GYS2: variants seen among roughly 807,000 people sequenced by gnomAD.
The protein encoded by GYS2 is glycogen [starch] synthase, liver.
GYS2 carries 80 observed loss-of-function variants against 85.6 expected under a neutral mutation model. The ratio of observed to expected loss-of-function variants is 0.93; its 90% CI spans 0.78 to 1.13. GYS2 has a LOEUF of 1.13. Among genes scored for constraint, GYS2 ranks in the 50% most tolerant of loss-of-function variants. The pLI is 0.00. For missense variants in GYS2, 881 were observed against 854.9 expected (o/e 1.03, Z -0.38); for synonymous variants, 328 against 300.7 (o/e 1.09, Z -0.94).
chr12:21,540,514 TAGTC>T lies in GYS2; in HGVS notation c.1701_1704del (p.Thr568SerfsTer33), dbSNP rs759886963. ...TGTTTGCAAAATCCATAGAGAAACT[TAGTC>T]AGCTGATTGCAAGAATCATCTGGAG... On this transcript the variant is annotated frameshift_variant, in exon 14 of 16. Coordinates refer to ENST00000261195, the MANE Select transcript of GYS2 (RefSeq NM_021957.4). LOFTEE classifies it high-confidence loss of function. 1.4e-5 allele frequency: 22 copies of T among 1,613,818 alleles called. No individual in the cohort carries two copies. The highest frequency in any genetic ancestry group is 1.6e-4 in the Middle Eastern group (1 of 6,084).
chr12:21,564,046 T>G (rs1448403110), intron 5 of GYS2, among the ~76,000 whole-genome samples: 1 of 152,192 alleles, frequency 6.6e-6, no homozygotes, highest in Non-Finnish European at 1.5e-5. Flanking sequence ...ATTCTTGGTT[T>G]TCAAAACATT....
chr12:21,602,387 T>C (rs1388581179), intron 1 of GYS2, among the ~76,000 whole-genome samples: 8 of 152,066 alleles, frequency 5.3e-5, no homozygotes, highest in Admixed American at 5.2e-4. Flanking sequence ...GTGGGATTCA[T>C]GATCTCTAAG....
chr12:21,558,295 C>G lies in GYS2; in HGVS notation c.1327G>C (p.Val443Leu). Residue 443 changes from valine to leucine, a missense_variant, in exon 11 of 16, where the codon GTG (valine) becomes CTG (leucine). By Grantham distance (32) the Val-to-Leu change is conservative (BLOSUM62 1). Transcript: ENST00000261195. ...TCATCAATCATGTTGTGCGTGGTCA[C>G]TGGGGGCAATGACTGTCGCTGAAGT... Reference protein sequence around the residue: ...FSTQRQSLPPVTTHNMIDDST... With the variant: ...FSTQRQSLPPLTTHNMIDDST... 6.2e-7 allele frequency: 1 copy of G among 1,611,796 alleles called. No homozygotes were observed. The highest frequency in any genetic ancestry group is 8.5e-7 in the Non-Finnish European group (1 of 1,177,962).
intron 11 of GYS2, among the ~76,000 whole-genome samples, chr12:21,551,956 G>C (rs528432116): frequency 6.6e-6 from 1 of 152,076 alleles, no homozygotes; most frequent in Admixed American, 6.5e-5. Flanking sequence ...AAACACCATG[G>C]TTCATTTGTT....
intron 12 of GYS2, among the ~76,000 whole-genome samples, chr12:21,544,912 G>A (rs1944020526): frequency 6.7e-6 from 1 of 149,648 alleles, no homozygotes. Context: ...TGTTCCTGCT[G>A]TAAATAATAC....
intron 5 of GYS2, 112 bp downstream of exon 5, chr12:21,568,753 G>A: frequency 1.1e-6 from 1 of 878,304 alleles, no homozygotes; most frequent in Non-Finnish European, 2.0e-6. Flanking sequence ...AGAGCTGCGT[G>A]GTAACTGAAT....
intron 10 of GYS2, 104 bp from the exon 11 acceptor site, chr12:21,558,417 A>T: frequency 1.4e-6 from 1 of 737,096 alleles, no homozygotes; most frequent in South Asian, 1.5e-5. Context: ...TCACACCTTC[A>T]GTCTTTTGAG....
intron 1 of GYS2, among the ~76,000 whole-genome samples, chr12:21,588,525 T>A (rs111386190): frequency 2.0e-5 from 3 of 152,210 alleles, no homozygotes; most frequent in Non-Finnish European, 4.4e-5. Flanking sequence ...AATTTTCATA[T>A]GAGTCTACAC....
At chr12:21,584,041 C>A (rs948344677) in intron 1 of GYS2, among the ~76,000 whole-genome samples, 1 of 152,192 alleles carries the variant, frequency 6.6e-6, no homozygotes, top group African/African-American at 2.4e-5. Context: ...ACAGATAGTT[C>A]TGCACGATAT....
chr12:21,541,284 A>AAAAAAAAC (rs1303482381), intron 13 of GYS2, among the ~76,000 whole-genome samples: 11 of 145,354 alleles, frequency 7.6e-5, no homozygotes, highest in African/African-American at 2.3e-4. Context: ...AAAAAAAAAA[A>AAAAAAAAC]AAAAAAACAA....
intron 14 of GYS2, 62 bp downstream of exon 14, chr12:21,540,348 A>G (rs1417673345): frequency 3.2e-6 from 4 of 1,264,396 alleles, no homozygotes; most frequent in Admixed American, 1.7e-5. Flanking sequence ...ACTAGAATCA[A>G]TATGTTTATA....
intron 1 of GYS2, among the ~76,000 whole-genome samples, chr12:21,592,631 A>G (rs1336082426): frequency 6.6e-6 from 1 of 152,120 alleles, no homozygotes; most frequent in East Asian, 1.9e-4. Flanking sequence ...GCATCCAGAT[A>G]TGTAAAGCAA....
intron 11 of GYS2, among the ~76,000 whole-genome samples, chr12:21,557,138 T>C (rs954416528): frequency 3.3e-5 from 5 of 152,172 alleles, no homozygotes; most frequent in African/African-American, 1.2e-4. Context: ...ATCAATTAGG[T>C]CATCTGCTAA....
chr12:21,559,537 G>A lies in GYS2; in HGVS notation c.1229+114C>T, dbSNP rs546070006. 6 of 720,358 alleles carry A rather than the reference G, an allele frequency of 8.3e-6. No individual in the cohort carries two copies. In the South Asian group the frequency reaches 9.5e-5, roughly 11 times the overall value. The allele number at this position is 720,358 out of a possible 1,614,324, so 44.6% of individuals were successfully genotyped here. ...TCACATGACATAACACATTTTCAAA[G>A]GTTATTAATTCCTTGATATTTGGAA... On this transcript the variant is annotated intron_variant, in intron 9 of 15. Transcript: ENST00000261195.
At chr12:21,550,667 A>G (rs4762841) in intron 11 of GYS2, among the ~76,000 whole-genome samples, 113,938 of 152,140 alleles carry the variant, frequency 0.75, 43,384 homozygotes, top group Non-Finnish European at 0.81. Flanking sequence ...CAGGCCGGGT[A>G]CCGTGGCTCA....
chr12:21,562,965 C>G lies in GYS2; in HGVS notation c.1015G>C (p.Ala339Pro), dbSNP rs121918421. ...AGRYEFSNKG[A>P]DIFLESLSRL... The stretch of plus-strand genomic sequence containing the variant: ...GATAAGGATTCTAGGAAGATGTCAG[C>G]TCCTTTGTTTGAAAACTCATACCTC... The change falls in exon 7 of 16, where the codon GCT becomes CCT. Residue 339 changes from alanine (A) to proline (P), a missense_variant. Ala to Pro is a conservative substitution (Grantham distance 27). Transcript: ENST00000261195. 34 of 1,612,188 alleles carry G rather than the reference C, an allele frequency of 2.1e-5. No homozygotes were observed. Among genetic ancestry groups the G allele is most frequent in the Non-Finnish European group, 2.6e-5 (31 of 1,178,436 alleles).
rs749954499 is a variant in GYS2 at position 21,562,978 on chromosome 12, A to G, written c.1002T>C (p.Phe334=). Residue 334 remains phenylalanine, a synonymous_variant, in exon 7 of 16, where the codon TTT becomes TTC. Coordinates refer to ENST00000261195, the MANE Select transcript of GYS2 (RefSeq NM_021957.4). ...GGAAGATGTCAGCTCCTTTGTTTGA[A>G]AACTCATACCTCCCAGCAATGAAAA... ...LFLFIAGRYE[F]SNKGADIFLE... 55 of 1,613,086 alleles carry G rather than the reference A, an allele frequency of 3.4e-5. No individual in the cohort carries two copies. The highest frequency in any genetic ancestry group is 4.6e-5 in the Non-Finnish European group (54 of 1,179,270).
At chr12:21,550,695 C>T (rs938820221) in intron 11 of GYS2, among the ~76,000 whole-genome samples, 1 of 152,180 alleles carries the variant, frequency 6.6e-6, no homozygotes, top group African/African-American at 2.4e-5. Flanking sequence ...AATCCCAGCA[C>T]TTTGGGAGGC....
chr12:21,533,939 G>A (rs1300169545), downstream of GYS2, among the ~76,000 whole-genome samples: 1 of 152,174 alleles, frequency 6.6e-6, no homozygotes, highest in Non-Finnish European at 1.5e-5. Flanking sequence ...GTGTCCTCAC[G>A]TGGTGGAAAG....
Sources: allele counts gnomAD v4.1 joint callset (sites outside exome capture counted in the v4.1 genomes callset), GRCh38; gene constraint gnomAD v4.1.1; transcripts MANE v1.5; gene names NCBI Gene and HGNC (gene_info 2026-07-23, HGNC 2026-07-21).